The following SLC4A2 variants were observed in gnomAD, a reference collection of about 807,000 sequenced individuals.
The protein encoded by SLC4A2 is anion exchange protein 2.
SLC4A2 carries 36 observed loss-of-function variants against 115.0 expected under a neutral mutation model. The observed-to-expected ratio is 0.31, with a 90% CI of 0.24 to 0.41. The LOEUF is 0.41. SLC4A2 is among the 10% of genes least tolerant of loss of function. The pLI is 1.00. For missense variants in SLC4A2, 1,252 were observed against 1,705.6 expected, an observed-to-expected ratio of 0.73 and a Z score of 4.68; for synonymous variants, 708 against 708.3, an observed-to-expected ratio of 1.00 and a Z score of 0.01.
At chr7:151,075,072 A>T in intron 19 of SLC4A2, 183 bp from the exon 20 acceptor site, 1 of 976,820 alleles carries the variant, frequency 1.0e-6, no homozygotes, top group Non-Finnish European at 1.6e-6. Context: ...GGGAGCTGTC[A>T]TGGACGATAA....
At position 151,070,226 on chromosome 7, in the gene SLC4A2, A is replaced by G; in HGVS notation, c.1329A>G (p.Ser443=). 8 of 1,614,080 alleles carry G rather than the reference A, an allele frequency of 5.0e-6. No homozygotes were observed. The highest frequency in any genetic ancestry group is 6.8e-6 in the Non-Finnish European group (8 of 1,179,990). Residue 443 remains serine, a synonymous_variant, in exon 10 of 23, where the codon TCA becomes TCG. Coordinates refer to ENST00000413384, the MANE Select transcript of SLC4A2 (RefSeq NM_003040.4). The stretch of plus-strand genomic sequence containing the variant: ...ACTTCTCCTTCCCCCGCAACATCTC[A>G]GCTGGCTCCCTGGGCTCCCTGCTGG... ...EKDFSFPRNI[S]AGSLGSLLGH... is the part of the protein sequence containing the mutation.
intron 16 of SLC4A2, among the ~76,000 whole-genome samples, chr7:151,073,105 C>T (rs1017644818): frequency 7.9e-5 from 12 of 152,092 alleles, no homozygotes; most frequent in African/African-American, 2.9e-4. Context: ...CCGGCGGGCC[C>T]CACGCCTGGC....
intron 3 of SLC4A2, 30 bp downstream of exon 3, chr7:151,064,397 G>A: frequency 1.3e-6 from 2 of 1,530,124 alleles, no homozygotes; most frequent in Non-Finnish European, 1.8e-6. Context: ...AGGGGGAGGT[G>A]GGGGGATCAG....
chr7:151,061,834 C>T, intron 1 of SLC4A2, 91 bp from the exon 2 acceptor site: 1 of 660,212 alleles, frequency 1.5e-6, no homozygotes, highest in Non-Finnish European at 2.7e-6. Context: ...GCCCTTCATA[C>T]TCCAGGAGGA....
Position 151,064,746 on chromosome 7 carries a change from C to T in SLC4A2, c.438C>T (p.Val146=), listed in dbSNP as rs1797171864. 2 of 1,609,738 alleles carry T rather than the reference C, an allele frequency of 1.2e-6. No homozygotes were observed. The highest frequency in any genetic ancestry group is 1.3e-5 in the African/African-American group (1 of 74,830). ...GARALTQPSP[V]STPSSVQFFL... ...GGGCTCTCACTCAGCCGTCCCCTGT[C>T]TCCACACCCTCCTCGGTGCAGGTGC... is the stretch of plus-strand genomic sequence containing the variant. The change falls in exon 4 of 23, where the codon GTC becomes GTT. Residue 146 remains valine (V), a synonymous_variant. Coordinates refer to ENST00000413384, the MANE Select transcript of SLC4A2 (RefSeq NM_003040.4).
rs538210790 is a variant in SLC4A2, at chr7:151,070,123, A to C, written c.1283+41A>C. ...CCAGTTGGGGATGACACTTCAGCCC[A>C]CCTGCCCTGGCCCTTGTCATTGACC... On this transcript the variant is annotated intron_variant, in intron 9 of 22. Transcript: ENST00000413384. The C allele has an allele frequency of 3.1e-6, 5 of 1,613,924 alleles. No homozygotes were observed. In the South Asian group the frequency reaches 5.5e-5, roughly 18 times the overall value.
Position 151,075,262 on chromosome 7 carries a change from A to C in SLC4A2, c.3055A>C (p.Ile1019Leu). 6.2e-7 allele frequency: 1 copy of C among 1,612,938 alleles called. No homozygotes were observed. The highest frequency in any genetic ancestry group is 8.5e-7 in the Non-Finnish European group (1 of 1,179,990). The change falls in exon 20 of 23, where the codon ATC becomes CTC. Residue 1019 changes from isoleucine to leucine, a missense_variant. Physicochemically the swap from Ile to Leu is conservative, Grantham distance 5. Transcript: ENST00000413384. ...FMETQITTLI[I>L]SKKERMLQKG... ...CACCCCTCCCGCTCTCAGGCTCATCATCTCCAAGAAGGAGCGCATGCTGCA... is the reference window on the plus strand; with the variant it reads ...CACCCCTCCCGCTCTCAGGCTCATCCTCTCCAAGAAGGAGCGCATGCTGCA...
Position 151,066,895 on chromosome 7 carries a change from C to T in SLC4A2, c.868C>T (p.Arg290Trp), listed in dbSNP as rs749356650. Reference sequence around the variant, plus strand: ...TCCTGGGGTGCGGCGGCACTTGGTGCGGAAGAATGCCAAAGGTTCCACACA... The same window carrying T: ...TCCTGGGGTGCGGCGGCACTTGGTGTGGAAGAATGCCAAAGGTTCCACACA... ...DVPGVRRHLV[R>W]KNAKGSTQSG... Residue 290 changes from arginine to tryptophan, a missense_variant, in exon 7 of 23, where the codon CGG becomes TGG. By Grantham distance (101) the Arg-to-Trp change is moderately radical. Transcript: ENST00000413384. 1.5e-5 allele frequency: 25 copies of T among 1,613,534 alleles called. No individual in the cohort carries two copies. The highest frequency in any genetic ancestry group is 1.4e-4 in the South Asian group (13 of 91,052).
rs1419750359 is a variant in SLC4A2 at position 151,071,561 on chromosome 7, A to T, written c.2147A>T (p.Tyr716Phe). ...TGCCTGGCCGCAGTCATCTTCATCT[A>T]CTTTGCCGCCCTGTCTCCTGCCATC... ...PQCLAAVIFI[Y>F]FAALSPAITF... Residue 716 changes from tyrosine (Y) to phenylalanine (F), a missense_variant, in exon 14 of 23, where the codon TAC (tyrosine) becomes TTC (phenylalanine). By Grantham distance (22) the Tyr-to-Phe change is conservative. Transcript: ENST00000413384. The surrounding 1 kb of genome is among the most constrained non-coding windows in gnomAD (Gnocchi z 5.5). 6.2e-7 allele frequency: 1 copy of T among 1,613,662 alleles called. No homozygotes were observed. The highest frequency in any genetic ancestry group is 8.5e-7 in the Non-Finnish European group (1 of 1,179,930).
chr7:151,070,740 C>T lies in SLC4A2; in HGVS notation c.1578C>T (p.Phe526=), dbSNP rs771900912. The change falls in exon 12 of 23, where the codon TTC becomes TTT. Residue 526 remains phenylalanine (F), a synonymous_variant. Coordinates refer to ENST00000413384, the MANE Select transcript of SLC4A2 (RefSeq NM_003040.4). The part of the protein sequence containing the change: ...ATVVLVGCVE[F]LSRPTMAFVR... ...CCACGCCCCTAGGCTGCGTGGAGTT[C>T]CTCTCCCGCCCCACCATGGCCTTTG... 5.6e-6 allele frequency: 9 copies of T among 1,613,382 alleles called. No individual in the cohort carries two copies. The Admixed American group carries it at 1.3e-4, about 24-fold the overall frequency.
Position 151,071,080 on chromosome 7 carries a change from C to T in SLC4A2, c.1758C>T (p.His586=), listed in dbSNP as rs907159482. The change falls in exon 13 of 23, where the codon CAC becomes CAT. Residue 586 remains histidine (H), a synonymous_variant. Coordinates refer to ENST00000413384, the MANE Select transcript of SLC4A2 (RefSeq NM_003040.4). This position sits in a 1 kb window ranked among gnomAD's most constrained non-coding sequence, Gnocchi z 5.5. ...CCATGCTGCTTTGGCAGCAATTCCA[C>T]GAGGCAGCCTACCTGGCTGACGAGC... is the stretch of plus-strand genomic sequence containing the variant. ...ISTLMSDKQF[H]EAAYLADERE... 6 of 1,612,576 alleles carry T rather than the reference C, an allele frequency of 3.7e-6. No individual in the cohort carries two copies. Among genetic ancestry groups the T allele is most frequent in the African/African-American group, 1.3e-5 (1 of 75,042 alleles).
intron 19 of SLC4A2, 39 bp downstream of exon 19, chr7:151,074,880 C>T: frequency 6.5e-7 from 1 of 1,545,712 alleles, no homozygotes; most frequent in Non-Finnish European, 8.7e-7. Flanking sequence ...GAGGCCAGAG[C>T]CCCAGGCCAG....
chr7:151,071,460 T>TG lies in SLC4A2; in HGVS notation c.2052dup (p.Leu685AlafsTer15), dbSNP rs752958753. ...CCCTTCGGCGGACGGGGCGGCCCTT[T>TG]GGGGGGCTGATCCGAGATGTGCGGC... On this transcript the variant is annotated frameshift_variant, in exon 14 of 23. Coordinates refer to ENST00000413384, the MANE Select transcript of SLC4A2 (RefSeq NM_003040.4). LOFTEE classifies it high-confidence loss of function. This position sits in a 1 kb window ranked among gnomAD's most constrained non-coding sequence, Gnocchi z 5.5. 1.9e-6 allele frequency: 3 copies of TG among 1,610,244 alleles called. No individual in the cohort carries two copies.
At chr7:151,068,159 C>T in intron 8 of SLC4A2, 105 bp downstream of exon 8, 1 of 854,226 alleles carries the variant, frequency 1.2e-6, no homozygotes. Flanking sequence ...GCCCCAGAGC[C>T]CAGAGGAAGC....
At chr7:151,068,421 C>G (rs986471048) in intron 8 of SLC4A2, among the ~76,000 whole-genome samples, 1 of 152,170 alleles carries the variant, frequency 6.6e-6, no homozygotes, top group Non-Finnish European at 1.5e-5. Flanking sequence ...CCTGTGTTTG[C>G]TTGCTTGCTC....
In SLC4A2 at chr7:151,075,078, G is replaced by A. The variant is rs769947147; in HGVS notation, c.3048-177G>A. On this transcript the variant is annotated intron_variant, in intron 19 of 22. Transcript: ENST00000413384. The stretch of plus-strand genomic sequence containing the variant: ...GTGCTAGCTGGGAGCTGTCATGGAC[G>A]ATAAGGGCTGGGGGCCCAGGTTTTG... 26 of 1,012,918 alleles carry A rather than the reference G, an allele frequency of 2.6e-5. No homozygotes were observed. In the African/African-American group the frequency reaches 4.0e-4, roughly 16 times the overall value. 62.7% of individuals were successfully genotyped at this position (1,012,918 alleles called of 1,614,324 possible).
rs776753503 is a variant in SLC4A2, at chr7:151,071,866, C to T, written c.2340+29C>T. On this transcript the variant is annotated intron_variant, in intron 15 of 22. Transcript: ENST00000413384. This position sits in a 1 kb window ranked among gnomAD's most constrained non-coding sequence, Gnocchi z 5.5. Reference sequence around the variant, plus strand: ...AGGGCTCTTCTCGCCCATCTCCAGCCGCCCCTCCCGTGCCCTAGACACCTC... The same window carrying T: ...AGGGCTCTTCTCGCCCATCTCCAGCTGCCCCTCCCGTGCCCTAGACACCTC... 3.1e-5 allele frequency: 49 copies of T among 1,601,312 alleles called. No homozygotes were observed. The highest frequency in any genetic ancestry group is 2.7e-4 in the East Asian group (12 of 44,692).
In SLC4A2 at chr7:151,064,250, G is replaced by T; in HGVS notation, c.100G>T (p.Glu34Ter). The T allele has an allele frequency of 6.2e-7, 1 of 1,612,568 alleles. No homozygotes were observed. The highest frequency in any genetic ancestry group is 8.5e-7 in the Non-Finnish European group (1 of 1,179,954). Residue 34 changes from glutamate (E) to a stop codon, truncating the protein, a stop_gained, in exon 3 of 23, where the codon GAG becomes TAG. Coordinates refer to ENST00000413384, the MANE Select transcript of SLC4A2 (RefSeq NM_003040.4). LOFTEE classifies it high-confidence loss of function. ...TGGGACGCCTGGGTTCCCCGAGCAG[G>T]AGGAAGACGAACTTCACCGCACCCT... ...GPGTPGFPEQ[E>*]EDELHRTLGV...
At chr7:151,063,315 C>T (rs1156596518) in intron 2 of SLC4A2, 15 of 768,432 alleles carry the variant, frequency 2.0e-5, no homozygotes, top group Non-Finnish European at 2.7e-5. Flanking sequence ...CCCTGCGGGG[C>T]TGGGTTTGTT....
Sources: gnomAD v4.1 joint callset for allele counts (sites outside exome capture counted in the v4.1 genomes callset) on GRCh38, gnomAD v4.1.1 for gene constraint, Gnocchi (gnomAD v3.1) non-coding constraint, MANE v1.5 for transcripts, NCBI Gene and HGNC (gene_info 2026-07-23, HGNC 2026-07-21) for gene names.